Variants in MACROD2 observed in about 807,000 individuals in gnomAD.
MACROD2 encodes the protein ADP-ribose glycohydrolase MACROD2.
Under a neutral mutation model 70.4 loss-of-function variants are expected in MACROD2, and 36 were observed. The observed-to-expected ratio is 0.51, with a 90% CI of 0.39 to 0.68. MACROD2 has a LOEUF of 0.68. Among genes scored for constraint, MACROD2 ranks in the 30% least tolerant of loss-of-function variants. MACROD2 has a pLI of 0.00. For missense variants in MACROD2, 496 were observed against 538.4 expected (o/e 0.92, Z 0.78); for synonymous variants, 172 against 178.8 (o/e 0.96, Z 0.30).
At chr20:15,401,664 A>G (rs1441976994) in intron 6 of MACROD2, among the ~76,000 whole-genome samples, 4 of 152,262 alleles carry the variant, frequency 2.6e-5, no homozygotes, top group Non-Finnish European at 5.9e-5. Context: ...AAACAATTGT[A>G]AAATACTTAG....
At chr20:15,254,493 AT>A (rs1234990550) in intron 6 of MACROD2, among the ~76,000 whole-genome samples, 1 of 152,064 alleles carries the variant, frequency 6.6e-6, no homozygotes, top group East Asian at 1.9e-4. Context: ...CTTTTATCAA[AT>A]CGTTTAATAC....
intron 8 of MACROD2, among the ~76,000 whole-genome samples, chr20:15,526,036 T>A (rs1024460737): frequency 6.6e-6 from 1 of 152,238 alleles, no homozygotes; most frequent in Non-Finnish European, 1.5e-5. Flanking sequence ...GATGTTTTTC[T>A]TTAAGTTTTC....
At chr20:15,002,560 T>C (rs2122902567) in intron 5 of MACROD2, among the ~76,000 whole-genome samples, 1 of 152,286 alleles carries the variant, frequency 6.6e-6, no homozygotes, top group Admixed American at 6.5e-5. Context: ...GCTTAATACT[T>C]GGTGCCTACC....
intron 4 of MACROD2, among the ~76,000 whole-genome samples, chr20:14,503,455 T>C (rs943998369): frequency 6.6e-6 from 1 of 152,126 alleles, no homozygotes; most frequent in African/African-American, 2.4e-5. Context: ...AATCTGAGTC[T>C]CCAAAACTGG....
chr20:15,683,831 C>T (rs574612942), intron 8 of MACROD2, among the ~76,000 whole-genome samples: 3 of 152,294 alleles, frequency 2.0e-5, no homozygotes, highest in South Asian at 2.1e-4. Flanking sequence ...CCACCCGCCT[C>T]GGCCTCCCAA....
chr20:15,469,435 C>T (rs985493872), intron 7 of MACROD2, among the ~76,000 whole-genome samples: 1 of 152,088 alleles, frequency 6.6e-6, no homozygotes, highest in African/African-American at 2.4e-5. Context: ...TTGTGAAATA[C>T]AAGTGGGTAG....
intron 5 of MACROD2, among the ~76,000 whole-genome samples, chr20:15,040,271 C>A (rs140174576): frequency 6.0e-5 from 9 of 151,186 alleles, no homozygotes; most frequent in Non-Finnish European, 1.0e-4. Flanking sequence ...GTCGAGATCG[C>A]GCCACTGCAC....
At chr20:14,422,096 A>G (rs1175577558) in intron 3 of MACROD2, among the ~76,000 whole-genome samples, 2 of 152,132 alleles carry the variant, frequency 1.3e-5, no homozygotes, top group African/African-American at 4.8e-5. Context: ...GTTGTTTGGC[A>G]CATAATTTAT....
intron 3 of MACROD2, among the ~76,000 whole-genome samples, chr20:14,321,449 A>G (rs1028303634): frequency 3.3e-5 from 5 of 152,328 alleles, no homozygotes; most frequent in Admixed American, 2.6e-4. Flanking sequence ...AGTGATTGAT[A>G]AGCAGGAGTT....
chr20:15,251,399 C>A (rs947826385), intron 6 of MACROD2, among the ~76,000 whole-genome samples: 1 of 152,160 alleles, frequency 6.6e-6, no homozygotes, highest in African/African-American at 2.4e-5. Flanking sequence ...TATTGTTTTA[C>A]AACATGCTGC....
In MACROD2 at chr20:14,819,383, GAA is replaced by G. The variant is rs142838363; in HGVS notation, c.418+134439_418+134440del. On this transcript the variant is annotated intron_variant, in intron 5 of 17. Coordinates refer to ENST00000684519, the MANE Select transcript of MACROD2 (RefSeq NM_001351661.2). ...GTGTGGCTGCAAGACGTATTGATAA[GAA>G]AAAAAAAAAAAAAAGGTACAACATA... Among the ~76,000 whole-genome samples the G allele has an allele frequency of 4.0e-3, 414 of 103,188 alleles. 4 individuals are homozygous for G. The highest frequency in any genetic ancestry group is 0.012 in the African/African-American group (379 of 31,838). The allele number at this position is 103,188 out of a possible 152,430, so 67.7% of individuals were successfully genotyped here.
chr20:14,999,409 A>G (rs2074975640), intron 5 of MACROD2, among the ~76,000 whole-genome samples: 1 of 152,226 alleles, frequency 6.6e-6, no homozygotes, highest in Non-Finnish European at 1.5e-5. Context: ...CTGTAATCCC[A>G]GCACTTTGGG....
At chr20:14,408,913 C>T (rs1352036881) in intron 3 of MACROD2, among the ~76,000 whole-genome samples, 1 of 152,084 alleles carries the variant, frequency 6.6e-6, no homozygotes, top group African/African-American at 2.4e-5. Context: ...AGACCTAGGC[C>T]TTGAGTCAGT....
intron 8 of MACROD2, among the ~76,000 whole-genome samples, chr20:15,664,759 G>C (rs560064861): frequency 5.3e-5 from 8 of 152,244 alleles, no homozygotes; most frequent in Admixed American, 4.6e-4. Flanking sequence ...TGGCACAAGT[G>C]CAGACCCAGC....
rs181477107 is a variant in MACROD2 at position 15,209,003 on chromosome 20, G to A, written c.419-20937G>A. Among the ~76,000 whole-genome samples, 486 of 152,286 alleles carry A rather than the reference G, an allele frequency of 3.2e-3. 3 individuals carry two copies. Among genetic ancestry groups the A allele is most frequent in the Non-Finnish European group, 5.2e-3 (353 of 68,010 alleles). On this transcript the variant is annotated intron_variant, in intron 5 of 17. Coordinates refer to ENST00000684519, the MANE Select transcript of MACROD2 (RefSeq NM_001351661.2). ...CACTGGACCTTTGATGACAGGGGAA[G>A]GGATGAAGCCTTGGCTTTGTCTGTG...
In MACROD2 at chr20:15,368,857, C is replaced by T. The variant is rs1437573274; in HGVS notation, c.541-62548C>T. On this transcript the variant is annotated intron_variant, in intron 6 of 17. Coordinates refer to ENST00000684519, the MANE Select transcript of MACROD2 (RefSeq NM_001351661.2). ...CAACCTGAGTTGTTAATACATTTAA[C>T]GTGGGTTCATTAGTGTTTGATATAT... Among the ~76,000 whole-genome samples, 6 of 152,188 alleles carry T rather than the reference C, an allele frequency of 3.9e-5. No individual in the cohort carries two copies. In the East Asian group the frequency reaches 7.7e-4, roughly 20 times the overall value.
At chr20:14,164,391 T>C (rs1569186278) in intron 3 of MACROD2, among the ~76,000 whole-genome samples, 1 of 152,122 alleles carries the variant, frequency 6.6e-6, no homozygotes, top group Non-Finnish European at 1.5e-5. Context: ...ATGCTGGCAC[T>C]GGCAGTGGGT....
chr20:15,463,119 G>A (rs1372431523), intron 7 of MACROD2, among the ~76,000 whole-genome samples: 1 of 152,190 alleles, frequency 6.6e-6, no homozygotes, highest in Non-Finnish European at 1.5e-5. Context: ...AACTAACCCA[G>A]TGTTCCCCTG....
At chr20:14,209,157 G>T (rs921659750) in intron 3 of MACROD2, among the ~76,000 whole-genome samples, 1 of 152,158 alleles carries the variant, frequency 6.6e-6, no homozygotes, top group African/African-American at 2.4e-5. Flanking sequence ...AGAATGCTGT[G>T]TGCCACAATT....
Sources: gnomAD v4.1 joint callset for allele counts (sites outside exome capture counted in the v4.1 genomes callset) on GRCh38, gnomAD v4.1.1 for gene constraint, MANE v1.5 for transcripts, NCBI Gene and HGNC (gene_info 2026-07-23, HGNC 2026-07-21) for gene names.